Variants in CELF2 observed in about 807,000 individuals in gnomAD.
CELF2 encodes CUG triplet repeat RNA-binding protein 2.
A neutral mutation model predicts 62.6 loss-of-function variants in CELF2; 8 were observed. The ratio of observed to expected loss-of-function variants is 0.13; its 90% confidence interval spans 0.07 to 0.23. The LOEUF (loss-of-function observed/expected upper bound fraction) is 0.23, where lower values mean the gene tolerates loss of function less well. CELF2 is among the 10% of genes least tolerant of loss of function. The probability of loss-of-function intolerance (pLI) is 1.00; values close to 1 mark genes in which losing one functional copy is unlikely to be tolerated. For missense variants in CELF2, 333 were observed against 671.0 expected, an observed-to-expected ratio of 0.50 and a Z score of 5.56; for synonymous variants, 258 against 250.0, an observed-to-expected ratio of 1.03 and a Z score of -0.30.
chr10:11,285,826 G>GGGGTGT lies in CELF2; in HGVS notation c.842-2591_842-2590insGGTGTG, dbSNP rs1555067024. On this transcript the variant is annotated intron_variant, in intron 8 of 12. Transcript: ENST00000633077. The surrounding 1 kb of genome is among the most constrained non-coding windows in gnomAD (Gnocchi z 4.3). ...TTGCTCATCACCTACTATATATATT[G>GGGGTGT]GTGTGTGTGTGTGTGTGTGTGTGTG... 7.8e-6 allele frequency among the ~76,000 whole-genome samples: 1 copy of GGGGTGT among 128,698 alleles called. No individual in the cohort carries two copies. The highest frequency in any genetic ancestry group is 1.6e-5 in the Non-Finnish European group (1 of 61,518). 84.4% of individuals were successfully genotyped at this position (128,698 alleles called of 152,430 possible). A position where few individuals can be genotyped will look rare whatever the true frequency, so the allele number is the denominator to read the frequency against.
the CELF2 span, among the ~76,000 whole-genome samples, chr10:10,509,415 C>A: frequency 6.6e-6 from 1 of 152,070 alleles, no homozygotes; most frequent in Non-Finnish European, 1.5e-5. Context: ...GGATTAGTGC[C>A]CCAATTCCCA....
intron 2 of CELF2, among the ~76,000 whole-genome samples, chr10:11,182,446 A>G (rs903356061): frequency 2.0e-5 from 3 of 152,202 alleles, no homozygotes; most frequent in South Asian, 2.1e-4. Context: ...CTCTAAGACA[A>G]TGATATACTT....
chr10:10,648,251 T>C, the CELF2 span, among the ~76,000 whole-genome samples: 2 of 152,148 alleles, frequency 1.3e-5, no homozygotes, highest in Non-Finnish European at 2.9e-5. Flanking sequence ...ACATCCAGCA[T>C]CCATCCTAAA....
upstream of CELF2, among the ~76,000 whole-genome samples, chr10:11,016,560 AAGAT>A (rs1299732522): frequency 3.9e-5 from 6 of 152,218 alleles, no homozygotes. The surrounding 1 kb of genome is among the most constrained non-coding windows in gnomAD (Gnocchi z 5.2). Context: ...ATAACCTCTA[AAGAT>A]AGTTAGCTGT....
chr10:11,183,977 A>G (rs904333022), intron 2 of CELF2, among the ~76,000 whole-genome samples: 1 of 152,230 alleles, frequency 6.6e-6, no homozygotes, highest in African/African-American at 2.4e-5. Flanking sequence ...TTTATATCAA[A>G]GAAAACCTAA....
At chr10:11,274,958 A>C in intron 7 of CELF2, 99 bp from the exon 8 acceptor site, 1 of 1,163,604 alleles carries the variant, frequency 8.6e-7, no homozygotes. Context: ...GTAGCAACCA[A>C]CCCTGGAAAT....
rs1217234917 is a variant in CELF2, at chr10:11,315,507, C to G, written c.1096+1249C>G. On this transcript the variant is annotated intron_variant, in intron 10 of 12. Transcript: ENST00000633077. This position sits in a 1 kb window ranked among gnomAD's most constrained non-coding sequence, Gnocchi z 5.8. ...GTAGAAAATGAACCTAAAATTTATC[C>G]AAATAAAAATTAACTTGTATAATCC... 6.6e-6 allele frequency among the ~76,000 whole-genome samples: 1 copy of G among 152,160 alleles called. No individual in the cohort carries two copies. The highest frequency in any genetic ancestry group is 1.9e-4 in the East Asian group (1 of 5,192).
At chr10:11,257,640 T>G in intron 4 of CELF2, 98 bp from the exon 5 acceptor site, 1 of 1,413,444 alleles carries the variant, frequency 7.1e-7, no homozygotes, top group South Asian at 1.3e-5. Flanking sequence ...GTGCTTGGTC[T>G]CACATGGCTG....
chr10:10,800,068 A>G (rs1243604403), intron 1 of CELF2, among the ~76,000 whole-genome samples: 1 of 73,644 alleles, frequency 1.4e-5, no homozygotes, highest in African/African-American at 6.4e-5. Flanking sequence ...TTTATTTCCT[A>G]TTCATGACTC....
intron 3 of CELF2, among the ~76,000 whole-genome samples, chr10:11,219,476 G>C (rs753348730): frequency 3.3e-5 from 5 of 152,190 alleles, no homozygotes; most frequent in Non-Finnish European, 5.9e-5. Context: ...TTGGTCGGTG[G>C]ATTATTTTTG....
At chr10:10,706,127 T>C in the CELF2 span, among the ~76,000 whole-genome samples, 1 of 152,202 alleles carries the variant, frequency 6.6e-6, no homozygotes, top group East Asian at 1.9e-4. Flanking sequence ...CATCCCTGAC[T>C]ATTTTAGTCT....
At chr10:10,892,956 G>A (rs186917205) in intron 1 of CELF2, among the ~76,000 whole-genome samples, 198 of 152,338 alleles carry the variant, frequency 1.3e-3, no homozygotes, top group Admixed American at 1.6e-3. Flanking sequence ...AACAAAGAAA[G>A]AGGAAAATGT....
the CELF2 span, among the ~76,000 whole-genome samples, chr10:10,680,905 C>T: frequency 2.6e-5 from 4 of 152,070 alleles, no homozygotes; most frequent in African/African-American, 9.7e-5. Flanking sequence ...GTCCATTTTT[C>T]AATTTCATAT....
intron 2 of CELF2, among the ~76,000 whole-genome samples, chr10:11,172,234 G>C (rs967823112): frequency 6.6e-6 from 1 of 152,182 alleles, no homozygotes; most frequent in African/African-American, 2.4e-5. Context: ...GTTAACAGAA[G>C]GCTCTGTGTT....
rs750886967 is a variant in CELF2, at chr10:10,961,852, A to G, written c.89+41853A>G. 7.2e-5 allele frequency among the ~76,000 whole-genome samples: 11 copies of G among 152,160 alleles called. No individual in the cohort carries two copies. In the East Asian group the frequency reaches 1.2e-3, roughly 16 times the overall value. ...TCTTTCATTGTCTTCCTGGATATAC[A>G]TTTTCCTTTTCCTTCCCTCAGATCT... On this transcript the variant is annotated intron_variant, in intron 2 of 13. Coordinates refer to the CELF2 transcript ENST00000636488.
the CELF2 span, among the ~76,000 whole-genome samples, chr10:10,718,008 A>G: frequency 6.6e-6 from 1 of 152,118 alleles, no homozygotes; most frequent in African/African-American, 2.4e-5. Flanking sequence ...CACTCCAATA[A>G]CAAGAGGCAT....
chr10:10,598,888 G>A, the CELF2 span, among the ~76,000 whole-genome samples: 1 of 150,472 alleles, frequency 6.6e-6, no homozygotes, highest in African/African-American at 2.4e-5. Flanking sequence ...CGGTAGCTAG[G>A]ATTACAGGCA....
In CELF2 at chr10:11,302,194, T is replaced by A. The variant is rs2093822548; in HGVS notation, c.977-11945T>A. On this transcript the variant is annotated intron_variant, in intron 9 of 12. Transcript: ENST00000633077. This position sits in a 1 kb window ranked among gnomAD's most constrained non-coding sequence, Gnocchi z 5.0. ...GCCCAGTGACTGTTGCCCTTTCCTG[T>A]CACAAACCAAACCTTCCCACTCCCT... Among the ~76,000 whole-genome samples the A allele has an allele frequency of 6.6e-6, 1 of 152,196 alleles. No homozygotes were observed. The highest frequency in any genetic ancestry group is 6.5e-5 in the Admixed American group (1 of 15,276).
At chr10:11,106,824 A>G (rs2053619710) in intron 1 of CELF2, among the ~76,000 whole-genome samples, 1 of 152,164 alleles carries the variant, frequency 6.6e-6, no homozygotes, top group African/African-American at 2.4e-5. Flanking sequence ...TGGGATTCTG[A>G]GTGGTGTAGT....
Sources: gnomAD v4.1 joint callset for allele counts (sites outside exome capture counted in the v4.1 genomes callset) on GRCh38, gnomAD v4.1.1 for gene constraint, Gnocchi (gnomAD v3.1) non-coding constraint, MANE v1.5 for transcripts, NCBI Gene and HGNC (gene_info 2026-07-23, HGNC 2026-07-21) for gene names.